The following TOM1 variants were observed in gnomAD, a reference collection of about 807,000 sequenced individuals.
TOM1 encodes target of myb1 membrane trafficking protein.
In TOM1, 38 loss-of-function variants were observed where a neutral mutation model predicts 61.3. That is an observed-to-expected ratio of 0.62 (90% CI 0.48 to 0.81). TOM1 has a LOEUF of 0.81. Among genes scored for constraint, TOM1 ranks in the 40% least tolerant of loss-of-function variants. The pLI, the probability that TOM1 is intolerant of heterozygous loss-of-function variation, is 0.00. For synonymous variants in TOM1, 270 were observed against 268.8 expected (o/e 1.00, Z -0.04); for missense variants, 591 against 659.6 (o/e 0.90, Z 1.14).
chr22:35,314,668 T>A (rs1196896298), intron 1 of TOM1, among the ~76,000 whole-genome samples: 1 of 152,036 alleles, frequency 6.6e-6, no homozygotes, highest in African/African-American at 2.4e-5. Flanking sequence ...TGGGGACCAC[T>A]GAGAGGCCTG....
At chr22:35,331,138 C>G (rs1346664483) in intron 8 of TOM1, among the ~76,000 whole-genome samples, 1 of 150,374 alleles carries the variant, frequency 6.7e-6, no homozygotes, top group East Asian at 1.9e-4. Context: ...CTCTGTCACC[C>G]AGGCTGGAGT....
intron 1 of TOM1, among the ~76,000 whole-genome samples, chr22:35,306,896 G>C (rs1010873783): frequency 6.6e-6 from 1 of 152,202 alleles, no homozygotes; most frequent in African/African-American, 2.4e-5. Flanking sequence ...TTCAGGCTGT[G>C]GGGAGGAGCA....
intron 1 of TOM1, among the ~76,000 whole-genome samples, chr22:35,305,865 G>C (rs987451444): frequency 2.0e-5 from 3 of 151,756 alleles, no homozygotes; most frequent in African/African-American, 4.8e-5. Flanking sequence ...AAGCCGGGGT[G>C]GGGAGGGCGA....
At position 35,302,337 on chromosome 22, in the gene TOM1, T is replaced by C. The variant is rs867434605; in HGVS notation, c.52+2357T>C. ...CTTTTTCTTTTTCTTTTTCTTTTTT[T>C]TTTTTTTTTTTTTTTGAGACTGCGT... On this transcript the variant is annotated intron_variant, in intron 1 of 14. Coordinates refer to ENST00000449058, the MANE Select transcript of TOM1 (RefSeq NM_005488.3). Among the ~76,000 whole-genome samples, 856 of 137,680 alleles carry C rather than the reference T, an allele frequency of 6.2e-3. 5 individuals carry two copies. The highest frequency in any genetic ancestry group is 0.022 in the African/African-American group (794 of 36,560). 90.3% of individuals were successfully genotyped at this position (137,680 alleles called of 152,430 possible).
chr22:35,310,662 C>T (rs985206740), intron 1 of TOM1, among the ~76,000 whole-genome samples: 3 of 152,192 alleles, frequency 2.0e-5, no homozygotes, highest in African/African-American at 7.2e-5. Flanking sequence ...TTCATTTACA[C>T]TGTTATAAAG....
At chr22:35,325,219 G>A (rs770097884) in intron 6 of TOM1, among the ~76,000 whole-genome samples, 4 of 152,208 alleles carry the variant, frequency 2.6e-5, no homozygotes, top group African/African-American at 4.8e-5. Context: ...AGTTAGACAC[G>A]GATGTGTGAT....
chr22:35,324,858 T>C (rs1928175938), intron 6 of TOM1, among the ~76,000 whole-genome samples: 1 of 152,214 alleles, frequency 6.6e-6, no homozygotes, highest in African/African-American at 2.4e-5. Flanking sequence ...CCAAGAAGGT[T>C]TGAGGCTTAG....
Position 35,323,688 on chromosome 22 carries a change from A to T in TOM1, c.501+58A>T, listed in dbSNP as rs1928059176. The T allele has an allele frequency of 6.2e-7, 1 of 1,610,338 alleles. No homozygotes were observed. Among genetic ancestry groups the T allele is most frequent in the Non-Finnish European group, 8.5e-7 (1 of 1,177,038 alleles). The stretch of plus-strand genomic sequence containing the variant: ...AGGGAGGCAGGACTCATCCCCAGAG[A>T]CATCACCAGGCTGGCCCCTGACTTC... On this transcript the variant is annotated intron_variant, in intron 5 of 14. Transcript: ENST00000449058. The surrounding 1 kb of genome is among the most constrained non-coding windows in gnomAD (Gnocchi z 4.2).
chr22:35,312,355 G>A (rs951406999), intron 1 of TOM1, among the ~76,000 whole-genome samples: 1 of 152,086 alleles, frequency 6.6e-6, no homozygotes. Context: ...CCATGGAAAC[G>A]ACCTTTTGGA....
rs1400100497 is a variant in TOM1 at position 35,322,976 on chromosome 22, G to A, written c.217-52G>A. The A allele has an allele frequency of 3.1e-6, 5 of 1,596,216 alleles. No individual in the cohort carries two copies. The South Asian group carries it at 3.3e-5, about 11-fold the overall frequency. On this transcript the variant is annotated intron_variant, in intron 3 of 14. Coordinates refer to ENST00000449058, the MANE Select transcript of TOM1 (RefSeq NM_005488.3). ...GGAGCCACGAGGGTGGGGGTTCTGAGCACCTCCTCTCCTCTGACCAAGGTG... is the reference window on the plus strand; with the variant it reads ...GGAGCCACGAGGGTGGGGGTTCTGAACACCTCCTCTCCTCTGACCAAGGTG...
At position 35,333,467 on chromosome 22, in the gene TOM1, G is replaced by A. The variant is rs557799756; in HGVS notation, c.997G>A (p.Gly333Ser). The change falls in exon 10 of 15, where the codon GGC (glycine) becomes AGC (serine). Residue 333 changes from glycine (G) to serine (S), a missense_variant. Coordinates refer to ENST00000449058, the MANE Select transcript of TOM1 (RefSeq NM_005488.3). Reference protein sequence around the residue: ...IDMGPDPAATGNLSSQLAGMN... With the variant: ...IDMGPDPAATSNLSSQLAGMN... ...CATGGGCCCTGACCCAGCAGCCACC[G>A]GCAACCTCTCATCCCAGCTGGCAGG... 3.2e-5 allele frequency: 51 copies of A among 1,614,158 alleles called. No homozygotes were observed. The East Asian group carries it at 8.0e-4, about 25-fold the overall frequency.
At chr22:35,309,035 G>GA (rs202171657) in intron 1 of TOM1, among the ~76,000 whole-genome samples, 2,147 of 150,780 alleles carry the variant, frequency 0.014, 23 homozygotes, top group Non-Finnish European at 0.022. Context: ...GTTTCTGGCT[G>GA]AAAAAAAAAT....
rs1313933664 is a variant in TOM1, at chr22:35,334,880, G to C, written c.1148+432G>C. Among the ~76,000 whole-genome samples the C allele has an allele frequency of 5.0e-5, 7 of 140,800 alleles. No individual in the cohort carries two copies. In the Admixed American group the frequency reaches 5.6e-4, roughly 11 times the overall value. 92.4% of individuals were successfully genotyped at this position (140,800 alleles called of 152,430 possible). A position where few individuals can be genotyped will look rare whatever the true frequency, so the allele number is the denominator to read the frequency against. The stretch of plus-strand genomic sequence containing the variant: ...GTACCGCATAGTAAGCCCTCCAGGA[G>C]CAGGGAAGTTTCCTGATAAATCCTC... On this transcript the variant is annotated intron_variant, in intron 11 of 14. Coordinates refer to ENST00000449058, the MANE Select transcript of TOM1 (RefSeq NM_005488.3).
intron 1 of TOM1, among the ~76,000 whole-genome samples, chr22:35,315,442 T>C (rs1221111894): frequency 6.6e-6 from 1 of 152,126 alleles, no homozygotes; most frequent in Non-Finnish European, 1.5e-5. Context: ...AGAGGGACAC[T>C]TGTTTGGCCC....
intron 12 of TOM1, among the ~76,000 whole-genome samples, chr22:35,340,136 A>G (rs150318119): frequency 3.3e-5 from 5 of 152,328 alleles, no homozygotes; most frequent in African/African-American, 1.2e-4. Context: ...TGCTCCAGCA[A>G]GTGAGCAGAC....
intron 12 of TOM1, among the ~76,000 whole-genome samples, chr22:35,340,656 A>G (rs1265197547): frequency 1.3e-5 from 2 of 152,110 alleles, no homozygotes; most frequent in African/African-American, 2.4e-5. Context: ...CTGAGGTGGG[A>G]GGATCGCTTG....
In TOM1 at chr22:35,323,585, C is replaced by T. The variant is rs750692958; in HGVS notation, c.456C>T (p.Pro152=). 1 of 1,614,092 alleles carries T rather than the reference C, an allele frequency of 6.2e-7. No individual in the cohort carries two copies. The highest frequency in any genetic ancestry group is 8.5e-7 in the Non-Finnish European group (1 of 1,180,018). ...TGCGGAGGAAAGGCCTGGAGTTCCCCATGACTGACCTGGACATGCTGTCAC... is the reference window on the plus strand; with the variant it reads ...TGCGGAGGAAAGGCCTGGAGTTCCCTATGACTGACCTGGACATGCTGTCAC... ...EDLRRKGLEF[P]MTDLDMLSPI... Residue 152 remains proline (P), a synonymous_variant, in exon 5 of 15, where the codon CCC becomes CCT. Transcript: ENST00000449058. This position sits in a 1 kb window ranked among gnomAD's most constrained non-coding sequence, Gnocchi z 4.2.
intron 9 of TOM1, 115 bp downstream of exon 9, chr22:35,333,129 C>G (rs1928984689): frequency 1.7e-6 from 2 of 1,196,642 alleles, no homozygotes; most frequent in Non-Finnish European, 2.5e-6. Flanking sequence ...TATCCAGGCC[C>G]ATAGAGAAAT....
intron 12 of TOM1, among the ~76,000 whole-genome samples, chr22:35,341,484 C>G (rs971231759): frequency 6.6e-6 from 1 of 152,092 alleles, no homozygotes; most frequent in African/African-American, 2.4e-5. Flanking sequence ...GTGTGTGTCT[C>G]CCTCCTCAGC....
Sources: gnomAD v4.1 joint callset for allele counts (sites outside exome capture counted in the v4.1 genomes callset) on GRCh38, gnomAD v4.1.1 for gene constraint, Gnocchi (gnomAD v3.1) non-coding constraint, MANE v1.5 for transcripts, NCBI Gene and HGNC (gene_info 2026-07-23, HGNC 2026-07-21) for gene names.